The following LMF1 variants were observed in gnomAD, a reference collection of about 807,000 sequenced individuals.
LMF1 encodes the protein transmembrane protein 112.
Under a neutral mutation model 60.6 loss-of-function variants are expected in LMF1, and 68 were observed. That is an observed-to-expected ratio of 1.12 (90% CI 0.92 to 1.37). The LOEUF is 1.37. Among genes scored for constraint, LMF1 ranks in the 40% most tolerant of loss-of-function variants. LMF1 has a pLI of 0.00. For missense variants in LMF1, 948 were observed against 767.2 expected, an observed-to-expected ratio of 1.24 and a Z score of -2.78; for synonymous variants, 418 against 324.7, an observed-to-expected ratio of 1.29 and a Z score of -3.09.
intron 2 of LMF1, among the ~76,000 whole-genome samples, chr16:953,071 CCACT>C (rs1257784204): frequency 1.3e-5 from 1 of 77,584 alleles, no homozygotes. Flanking sequence ...ACACAGACAC[CCACT>C]CCAAACCAGC....
At chr16:855,154 T>A (rs1036129087) in intron 10 of LMF1, 3 of 259,554 alleles carry the variant, frequency 1.2e-5, no homozygotes, top group Non-Finnish European at 2.3e-5. Flanking sequence ...TGGCGCAAGG[T>A]GCCTGGGGGT....
intron 1 of LMF1, chr16:980,903 C>T (rs2073336550): frequency 1.3e-5 from 2 of 151,986 alleles, no homozygotes; most frequent in Admixed American, 1.3e-4. Flanking sequence ...GGCCTCCCCG[C>T]CCCCGAGCCC....
chr16:976,334 C>T lies in LMF1; in HGVS notation c.-135+4811G>A, dbSNP rs1421368552. 1.3e-5 allele frequency: 6 copies of T among 454,066 alleles called. No individual in the cohort carries two copies. In the East Asian group the frequency reaches 4.2e-4, roughly 32 times the overall value. 28.1% of individuals were successfully genotyped at this position (454,066 alleles called of 1,614,324 possible). On this transcript the variant is annotated intron_variant, in intron 1 of 6. Coordinates refer to the LMF1 transcript ENST00000570014. ...GTTCAGTGGAGCAATGACCAGGAAT[C>T]AGGCTGCGATCTGTAGTCCAGGTGT...
At chr16:888,765 G>T (rs1028895609) in intron 5 of LMF1, among the ~76,000 whole-genome samples, 3 of 152,306 alleles carry the variant, frequency 2.0e-5, no homozygotes, top group African/African-American at 7.2e-5. Context: ...AGGGGGCAGT[G>T]TGTGGGGAGA....
At chr16:868,832 G>T in intron 10 of LMF1, 112 bp downstream of exon 10, 1 of 719,632 alleles carries the variant, frequency 1.4e-6, no homozygotes, top group East Asian at 2.5e-5. Flanking sequence ...CTCTGCGGGA[G>T]GGAAGGGGCG....
At chr16:981,346 GAGTGTGT>G (rs2073368571), upstream of LMF1, 2 of 221,918 alleles carry the variant, frequency 9.0e-6, no homozygotes, top group African/African-American at 4.2e-5. Flanking sequence ...GAGAGAGAGA[GAGTGTGT>G]GTGTGTGTGT....
chr16:938,637 A>G (rs2072009290), intron 2 of LMF1, among the ~76,000 whole-genome samples: 1 of 152,236 alleles, frequency 6.6e-6, no homozygotes, highest in African/African-American at 2.4e-5. Context: ...GAGGAAGTCC[A>G]GGTCCCAGGG....
rs142294619 is a variant in LMF1 at position 889,001 on chromosome 16, G to A, written c.729+4006C>T. Among the ~76,000 whole-genome samples the A allele has an allele frequency of 7.4e-3, 1,131 of 152,332 alleles. 5 individuals carry two copies. Among genetic ancestry groups the A allele is most frequent in the South Asian group, 0.021 (100 of 4,832 alleles). ...CTGAGGACATGGCTCTGGTCCCTCT[G>A]CCGGCTGAGAGCAAGCGGCCGTCCA... On this transcript the variant is annotated intron_variant, in intron 5 of 10. Coordinates refer to ENST00000262301, the MANE Select transcript of LMF1 (RefSeq NM_022773.4).
chr16:935,690 G>A (rs2071922130), intron 2 of LMF1, among the ~76,000 whole-genome samples: 1 of 152,190 alleles, frequency 6.6e-6, no homozygotes, highest in African/African-American at 2.4e-5. Context: ...TATGGTATGT[G>A]AATTCTATCT....
In LMF1 at chr16:934,244, CGAAA is replaced by C. The variant is rs1567270052; in HGVS notation, c.510_513del (p.Phe171AspfsTer42). The C allele has an allele frequency of 1.1e-5, 17 of 1,599,322 alleles. No homozygotes were observed. The highest frequency in any genetic ancestry group is 1.4e-5 in the Non-Finnish European group (17 of 1,179,766). ...CTTTCTCTAAATGCATCTCACTTACCGAAAGAGTACCTGAAAAACAAAAGAAGAA... is the reference window on the plus strand; with the variant it reads ...CTTTCTCTAAATGCATCTCACTTACCGAGTACCTGAAAAACAAAAGAAGAA... On this transcript the variant is annotated frameshift_variant and splice_region_variant, in exon 3 of 11. Coordinates refer to ENST00000262301, the MANE Select transcript of LMF1 (RefSeq NM_022773.4). LOFTEE classifies it high-confidence loss of function.
chr16:893,316 C>T (rs1202007860), intron 4 of LMF1: 3 of 603,122 alleles, frequency 5.0e-6, no homozygotes, highest in Admixed American at 4.5e-5. Context: ...ACAGTGGCTT[C>T]CTTTGCGCCT....
intron 5 of LMF1, among the ~76,000 whole-genome samples, chr16:889,791 G>A (rs148744099): frequency 1.5e-3 from 225 of 152,282 alleles, no homozygotes; most frequent in Middle Eastern, 6.8e-3. Flanking sequence ...CCCTGGGCTC[G>A]CAGTTGACAC....
rs548336797 is a variant in LMF1, at chr16:951,068, C to T, written c.503+3289G>A. ...AGAGTCAGCCAATGACAGAGTCAGC[C>T]GACAGAGTCAGCCAACGACAGAGTC... is the stretch of plus-strand genomic sequence containing the variant. On this transcript the variant is annotated intron_variant, in intron 2 of 10. Transcript: ENST00000262301. Among the ~76,000 whole-genome samples, 4 of 45,934 alleles carry T rather than the reference C, an allele frequency of 8.7e-5. 2 individuals are homozygous for T. Among genetic ancestry groups the T allele is most frequent in the Non-Finnish European group, 1.5e-4 (4 of 27,456 alleles). The allele number at this position is 45,934 out of a possible 152,430, so 30.1% of individuals were successfully genotyped here. A position where few individuals can be genotyped will look rare whatever the true frequency, so the allele number is the denominator to read the frequency against.
chr16:862,368 T>C (rs2069491069), intron 10 of LMF1, among the ~76,000 whole-genome samples: 1 of 152,134 alleles, frequency 6.6e-6, no homozygotes, highest in Non-Finnish European at 1.5e-5. Context: ...GGTCTTGAAC[T>C]CCTGACCTCA....
At chr16:952,734 C>A (rs907361898) in intron 2 of LMF1, 1 of 154,458 alleles carries the variant, frequency 6.5e-6, no homozygotes, top group East Asian at 1.9e-4. Context: ...GCTGGGCATG[C>A]AAGAGCCAGC....
chr16:940,308 A>G (rs2072065809), intron 2 of LMF1, among the ~76,000 whole-genome samples: 1 of 152,134 alleles, frequency 6.6e-6, no homozygotes, highest in African/African-American at 2.4e-5. Context: ...TGGCTGCAGA[A>G]TGCCGCCATG....
intron 4 of LMF1, chr16:900,729 G>C (rs8043681): frequency 0.022 from 1,724 of 79,370 alleles, 19 homozygotes; most frequent in South Asian, 0.15. Context: ...GTGTGTGTGT[G>C]TGTTTTAGTA....
intron 3 of LMF1, chr16:933,822 C>T: frequency 5.6e-6 from 3 of 533,544 alleles, no homozygotes; most frequent in Non-Finnish European, 8.8e-6. Flanking sequence ...ATGGGGAAGA[C>T]CTCCGGTCCC....
At chr16:865,140 C>T (rs1376776612) in intron 10 of LMF1, among the ~76,000 whole-genome samples, 5 of 152,152 alleles carry the variant, frequency 3.3e-5, no homozygotes, top group Admixed American at 6.5e-5. Context: ...GTTCTTGGCA[C>T]GTAACTTACA....
Sources: allele counts gnomAD v4.1 joint callset (sites outside exome capture counted in the v4.1 genomes callset), GRCh38; gene constraint gnomAD v4.1.1; transcripts MANE v1.5; gene names NCBI Gene and HGNC (gene_info 2026-07-23, HGNC 2026-07-21).